The following SMCHD1 variants were observed in gnomAD, a reference collection of about 807,000 sequenced individuals.
SMCHD1 encodes the protein structural maintenance of chromosomes flexible hinge domain containing 1, also known as structural maintenance of chromosomes flexible hinge domain-containing protein 1.
A neutral mutation model predicts 254.7 loss-of-function variants in SMCHD1; 78 were observed. The ratio of observed to expected loss-of-function variants is 0.31; its 90% CI spans 0.26 to 0.37. The LOEUF is 0.37. Ranked by LOEUF, SMCHD1 falls within the 10% of genes least tolerant of loss-of-function variation. The pLI, the probability that SMCHD1 is intolerant of heterozygous loss-of-function variation, is 1.00. For synonymous variants in SMCHD1, 766 were observed against 794.9 expected (o/e 0.96, Z 0.61); for missense variants, 1,840 against 2,408.1 (o/e 0.76, Z 4.94).
chr18:2,719,415 G>T (rs765182152), intron 19 of SMCHD1, among the ~76,000 whole-genome samples: 8 of 151,534 alleles, frequency 5.3e-5, no homozygotes, highest in Non-Finnish European at 1.0e-4. Flanking sequence ...TCTTGCCTCA[G>T]CCTCCCAAGT....
At position 2,680,587 on chromosome 18, in the gene SMCHD1, G is replaced by T. The variant is rs79897205; in HGVS notation, c.638+6442G>T. 4.1e-3 allele frequency among the ~76,000 whole-genome samples: 631 copies of T among 152,304 alleles called. 4 individuals are homozygous for T. Among genetic ancestry groups the T allele is most frequent in the African/African-American group, 0.015 (610 of 41,566 alleles). On this transcript the variant is annotated intron_variant, in intron 5 of 47. Coordinates refer to ENST00000320876, the MANE Select transcript of SMCHD1 (RefSeq NM_015295.3). ...CTTCTTGCTTGTAGTGAACCTCAAGGTAAGCTAGAGGTGAGTCATTATTAG... is the reference window on the plus strand; with the variant it reads ...CTTCTTGCTTGTAGTGAACCTCAAGTTAAGCTAGAGGTGAGTCATTATTAG...
At chr18:2,701,084 C>A (rs2074388738) in intron 12 of SMCHD1, 166 bp downstream of exon 12, 4 of 479,302 alleles carry the variant, frequency 8.3e-6, no homozygotes, top group East Asian at 3.2e-5. Flanking sequence ...AAATTTAAAG[C>A]TAATTTTTTA....
At chr18:2,786,821 T>G (rs929113108) in intron 45 of SMCHD1, among the ~76,000 whole-genome samples, 1 of 152,232 alleles carries the variant, frequency 6.6e-6, no homozygotes, top group African/African-American at 2.4e-5. Context: ...TTTTGCCCAT[T>G]TTAGTACTTT....
In SMCHD1 at chr18:2,700,533, A is replaced by T. The variant is rs774357038; in HGVS notation, c.1343-6A>T. ...ACATTTTGTTCCATTTGCCCTTTTG[A>T]TCTAGAATTAAAAGATGAAGATGAT... On this transcript the variant is annotated splice_region_variant and splice_polypyrimidine_tract_variant and intron_variant, in intron 10 of 47. Transcript: ENST00000320876. 1.9e-6 allele frequency: 3 copies of T among 1,599,918 alleles called. No individual in the cohort carries two copies. The highest frequency in any genetic ancestry group is 2.3e-5 in the South Asian group (2 of 87,924).
Position 2,803,203 on chromosome 18 carries a change from TATATATATATATATAA to T in SMCHD1, c.*665_*680del, listed in dbSNP as rs2076394213. 6.8e-6 allele frequency: 1 copy of T among 146,852 alleles called. No homozygotes were observed. Among genetic ancestry groups the T allele is most frequent in the African/African-American group, 2.5e-5 (1 of 40,510 alleles). 9.1% of individuals were successfully genotyped at this position (146,852 alleles called of 1,614,324 possible). A position where few individuals can be genotyped will look rare whatever the true frequency, so the allele number is the denominator to read the frequency against. On this transcript the variant is annotated 3_prime_UTR_variant, in exon 48 of 48. Transcript: ENST00000320876. ...TCCTGTGTGTGTGTGTGTGTGTATA[TATATATATATATATAA>T]ATATATATATATAAAATATTCAGCA...
intron 17 of SMCHD1, among the ~76,000 whole-genome samples, chr18:2,708,907 T>TATAAATAA (rs769432583): frequency 4.5e-5 from 2 of 44,702 alleles, no homozygotes; most frequent in African/African-American, 1.7e-4. Flanking sequence ...TATATATATA[T>TATAAATAA]AACATATTAA....
At chr18:2,704,122 G>A (rs940183902) in intron 13 of SMCHD1, among the ~76,000 whole-genome samples, 1 of 151,962 alleles carries the variant, frequency 6.6e-6, no homozygotes, top group African/African-American at 2.4e-5. Context: ...TAGAAGTTGA[G>A]ACTAAATTAG....
chr18:2,765,375 C>T (rs12606083), intron 37 of SMCHD1, among the ~76,000 whole-genome samples: 45,250 of 151,894 alleles, frequency 0.3, 6,933 homozygotes, highest in East Asian at 0.5. Context: ...TGAAATGTTA[C>T]CTTTTCTTGT....
intron 39 of SMCHD1, 109 bp downstream of exon 39, chr18:2,770,217 C>T: frequency 1.8e-6 from 2 of 1,084,846 alleles, no homozygotes; most frequent in Non-Finnish European, 2.6e-6. Flanking sequence ...AAGTAAAATA[C>T]AGAATGTTTC....
intron 32 of SMCHD1, 146 bp from the exon 33 acceptor site, chr18:2,751,132 C>A: frequency 1.8e-6 from 1 of 546,952 alleles, no homozygotes; most frequent in Non-Finnish European, 3.1e-6. Context: ...AGAATTTATA[C>A]ATTTCTTCAT....
intron 28 of SMCHD1, 44 bp downstream of exon 28, chr18:2,740,865 T>C (rs1430724999): frequency 3.7e-6 from 4 of 1,094,160 alleles, no homozygotes; most frequent in Non-Finnish European, 5.2e-6. Context: ...TTATTCATTG[T>C]TATATGTGTA....
intron 5 of SMCHD1, among the ~76,000 whole-genome samples, chr18:2,685,442 G>A (rs1218258232): frequency 1.3e-5 from 2 of 152,018 alleles, no homozygotes; most frequent in Admixed American, 1.3e-4. Context: ...AAAAATTGTG[G>A]TAAGATATAA....
At position 2,673,564 on chromosome 18, in the gene SMCHD1, ATCT is replaced by A. The variant is rs541594137; in HGVS notation, c.507+205_507+207del. ...GTATATGTACCTTTGGTTTTTTGTAATCTTCTACTTTCCCTTAACAGTACATTG... is the reference window on the plus strand; with the variant it reads ...GTATATGTACCTTTGGTTTTTTGTAATCTACTTTCCCTTAACAGTACATTG... On this transcript the variant is annotated intron_variant, in intron 4 of 47. Coordinates refer to ENST00000320876, the MANE Select transcript of SMCHD1 (RefSeq NM_015295.3). Among the ~76,000 whole-genome samples the A allele has an allele frequency of 2.2e-3, 332 of 151,648 alleles. 1 individual carries two copies. The highest frequency in any genetic ancestry group is 3.4e-3 in the Non-Finnish European group (229 of 67,976).
At chr18:2,749,988 C>A in intron 30 of SMCHD1, 55 bp from the exon 31 acceptor site, 2 of 1,428,216 alleles carry the variant, frequency 1.4e-6, no homozygotes, top group Non-Finnish European at 1.9e-6. Flanking sequence ...AAGAAAAGAA[C>A]TTGATTGATC....
chr18:2,747,407 G>T, intron 29 of SMCHD1, 115 bp from the exon 30 acceptor site: 4 of 876,732 alleles, frequency 4.6e-6, no homozygotes, highest in Non-Finnish European at 6.5e-6. Flanking sequence ...GACCAAAGAA[G>T]CCATTTGCAA....
At chr18:2,734,068 G>A (rs759828862) in intron 25 of SMCHD1, among the ~76,000 whole-genome samples, 10 of 152,126 alleles carry the variant, frequency 6.6e-5, no homozygotes, top group Admixed American at 2.0e-4. Flanking sequence ...ATTTAGCCAC[G>A]GGTTCAACTG....
Position 2,655,994 on chromosome 18 carries a change from C to T in SMCHD1, c.-82C>T, listed in dbSNP as rs2073041760. 8.5e-7 allele frequency: 1 copy of T among 1,176,362 alleles called. No homozygotes were observed. The highest frequency in any genetic ancestry group is 1.6e-5 in the African/African-American group (1 of 63,248). The allele number at this position is 1,176,362 out of a possible 1,614,324, so 72.9% of individuals were successfully genotyped here. A position where few individuals can be genotyped will look rare whatever the true frequency, so the allele number is the denominator to read the frequency against. On this transcript the variant is annotated 5_prime_UTR_variant, in exon 1 of 48. Coordinates refer to ENST00000320876, the MANE Select transcript of SMCHD1 (RefSeq NM_015295.3). Reference sequence around the variant, plus strand: ...CCTCGAGCCGCCCCGGGAGCTGGAGCTGAAGGCGCCGCGCGGAGCGCGCAC... The same window carrying T: ...CCTCGAGCCGCCCCGGGAGCTGGAGTTGAAGGCGCCGCGCGGAGCGCGCAC...
rs189940079 is a variant in SMCHD1, at chr18:2,682,388, G to T, written c.639-6006G>T. On this transcript the variant is annotated intron_variant, in intron 5 of 47. Transcript: ENST00000320876. ...CAGCCCCAGGCTGGAGTGCAGTGGC[G>T]TGATTTCAGCTCACTGCAACCCTGC... 4.5e-3 allele frequency among the ~76,000 whole-genome samples: 680 copies of T among 150,824 alleles called. 7 individuals are homozygous for T. The highest frequency in any genetic ancestry group is 0.015 in the African/African-American group (624 of 40,872).
intron 47 of SMCHD1, chr18:2,800,836 CAT>C (rs1232680721): frequency 2.6e-5 from 4 of 152,148 alleles, no homozygotes; most frequent in African/African-American, 9.7e-5. Flanking sequence ...AGTCATCACA[CAT>C]ATGAGGGTAG....
Sources: gnomAD v4.1 joint callset for allele counts (sites outside exome capture counted in the v4.1 genomes callset) on GRCh38, gnomAD v4.1.1 for gene constraint, MANE v1.5 for transcripts, NCBI Gene and HGNC (gene_info 2026-07-23, HGNC 2026-07-21) for gene names.